The following TLR5 variants were observed in gnomAD, a reference collection of about 807,000 sequenced individuals.
TLR5 encodes toll like receptor 5, also known as toll-like receptor 5.
For synonymous variants in TLR5, 373 were observed against 384.4 expected, an observed-to-expected ratio of 0.97 and a Z score of 0.35; for missense variants, 944 against 999.8, an observed-to-expected ratio of 0.94 and a Z score of 0.75.
chr1:223,113,670 T>C (rs877327), intron 5 of TLR5, among the ~76,000 whole-genome samples: 59,012 of 152,018 alleles, frequency 0.39, 11,859 homozygotes, highest in Non-Finnish European at 0.43. Flanking sequence ...TTGTTGCCCA[T>C]GCTGGTCTTC....
Position 223,110,987 on chromosome 1 carries a change from T to C in TLR5, c.2045A>G (p.His682Arg), listed in dbSNP as rs1656294267. Residue 682 changes from histidine (H) to arginine (R), a missense_variant, in exon 6 of 6, where the codon CAT becomes CGT. His to Arg is a conservative substitution (Grantham distance 29). Coordinates refer to ENST00000642603, the MANE Select transcript of TLR5 (RefSeq NM_003268.6). Reference sequence around the variant, plus strand: ...CATATCAGGTTCTGTGCCCTGGGGATGGTCCTTGAACACCAGTCTCTGGGC... The same window carrying C: ...CATATCAGGTTCTGTGCCCTGGGGACGGTCCTTGAACACCAGTCTCTGGGC... ...KTAQRLVFKD[H>R]PQGTEPDMYK... 1 of 1,614,128 alleles carries C rather than the reference T, an allele frequency of 6.2e-7. No individual in the cohort carries two copies. The highest frequency in any genetic ancestry group is 8.5e-7 in the Non-Finnish European group (1 of 1,180,052).
chr1:223,119,983 A>T (rs866250703), intron 5 of TLR5, among the ~76,000 whole-genome samples: 16 of 63,126 alleles, frequency 2.5e-4, no homozygotes, highest in South Asian at 1.9e-3. Flanking sequence ...TAAAATAAAT[A>T]AAATAAAATA....
Position 223,110,547 on chromosome 1 carries a change from GA to G in TLR5, c.2484del (p.Leu829PhefsTer9), listed in dbSNP as rs1161299361. ...AGTATCTGTTGAGAGAGTTTATGAA[GA>G]AACCAGCCAACATCCTGGAGATCCT... is the stretch of plus-strand genomic sequence containing the variant. ...WPEDLQDVGW[F>X]LHKLSQQILK... On this transcript the variant is annotated frameshift_variant, in exon 6 of 6. Transcript: ENST00000642603. LOFTEE classifies it low-confidence loss of function (END_TRUNC). 1 of 1,614,084 alleles carries G rather than the reference GA, an allele frequency of 6.2e-7. No homozygotes were observed. Among genetic ancestry groups the G allele is most frequent in the Non-Finnish European group, 8.5e-7 (1 of 1,180,014 alleles).
intron 3 of TLR5, among the ~76,000 whole-genome samples, chr1:223,136,538 A>G (rs191501640): frequency 2.7e-4 from 41 of 152,322 alleles, no homozygotes; most frequent in African/African-American, 9.6e-4. Flanking sequence ...TTTGGTTCAC[A>G]GGTTGGGAAA....
chr1:223,112,520 G>A lies in TLR5; in HGVS notation c.512C>T (p.Ser171Phe), dbSNP rs1571726698. The A allele has an allele frequency of 1.2e-6, 2 of 1,614,138 alleles. No homozygotes were observed. Among genetic ancestry groups the A allele is most frequent in the South Asian group, 1.1e-5 (1 of 91,088 alleles). Reference sequence around the variant, plus strand: ...GGAGGAAAAATCTATGGACTTTAAGGAATTCAACTTCCCAAATGAAGGATG... The same window carrying A: ...GGAGGAAAAATCTATGGACTTTAAGAAATTCAACTTCCCAAATGAAGGATG... ...YLHPSFGKLN[S>F]LKSIDFSSNQ... Residue 171 changes from serine to phenylalanine, a missense_variant, in exon 6 of 6, where the codon TCC (serine) becomes TTC (phenylalanine). Coordinates refer to ENST00000642603, the MANE Select transcript of TLR5 (RefSeq NM_003268.6).
Position 223,110,524 on chromosome 1 carries a change from T to C in TLR5, c.2508A>G (p.Ile836Met), listed in dbSNP as rs750758397. 9 of 1,614,186 alleles carry C rather than the reference T, an allele frequency of 5.6e-6. No individual in the cohort carries two copies. The highest frequency in any genetic ancestry group is 1.3e-5 in the African/African-American group (1 of 75,052). Residue 836 changes from isoleucine (I) to methionine (M), a missense_variant, in exon 6 of 6, where the codon ATA becomes ATG. Ile to Met is a conservative substitution (Grantham distance 10). Transcript: ENST00000642603. The stretch of plus-strand genomic sequence containing the variant: ...TCTTCTTTTCTTTTTCTTTCTTTAG[T>C]ATCTGTTGAGAGAGTTTATGAAGAA... ...GWFLHKLSQQ[I>M]LKKEKEKKKD...
intron 5 of TLR5, among the ~76,000 whole-genome samples, chr1:223,117,122 C>A (rs538122115): frequency 1.3e-5 from 2 of 152,256 alleles, no homozygotes; most frequent in African/African-American, 4.8e-5. Flanking sequence ...GGCTGAGGCC[C>A]GTCGAGAATT....
chr1:223,131,368 G>A lies in TLR5; in HGVS notation c.-5+1107C>T, dbSNP rs1201531121. On this transcript the variant is annotated intron_variant, in intron 5 of 5. Transcript: ENST00000642603. The surrounding 1 kb of genome is among the most constrained non-coding windows in gnomAD (Gnocchi z 4.2). Reference sequence around the variant, plus strand: ...GGCATCCCATCACTGCCTTGTGCTCGAGATCTAACTTGCCATTCTCAGAGT... The same window carrying A: ...GGCATCCCATCACTGCCTTGTGCTCAAGATCTAACTTGCCATTCTCAGAGT... Among the ~76,000 whole-genome samples the A allele has an allele frequency of 6.6e-6, 1 of 152,140 alleles. No homozygotes were observed. The highest frequency in any genetic ancestry group is 1.5e-5 in the Non-Finnish European group (1 of 68,036).
intron 2 of TLR5, among the ~76,000 whole-genome samples, chr1:223,140,870 C>A (rs552947863): frequency 6.6e-6 from 1 of 152,200 alleles, no homozygotes; most frequent in South Asian, 2.1e-4. Context: ...CACTTAATTG[C>A]GCTCTAATTG....
At position 223,110,184 on chromosome 1, in the gene TLR5, G is replaced by A. The variant is rs1656246456; in HGVS notation, c.*271C>T. On this transcript the variant is annotated 3_prime_UTR_variant, in exon 6 of 6. Transcript: ENST00000642603. Reference sequence around the variant, plus strand: ...GATACATTCCATAATCAACACAGCAGGACAGAACGGTATTATTGGATCTGA... The same window carrying A: ...GATACATTCCATAATCAACACAGCAAGACAGAACGGTATTATTGGATCTGA... 4.0e-6 allele frequency: 2 copies of A among 494,828 alleles called. No homozygotes were observed. The highest frequency in any genetic ancestry group is 3.9e-5 in the African/African-American group (2 of 51,666). 30.7% of individuals were successfully genotyped at this position (494,828 alleles called of 1,614,324 possible).
In TLR5 at chr1:223,112,938, A is replaced by T. The variant is rs779554408; in HGVS notation, c.94T>A (p.Phe32Ile). 2 of 1,614,240 alleles carry T rather than the reference A, an allele frequency of 1.2e-6. No individual in the cohort carries two copies. The highest frequency in any genetic ancestry group is 2.2e-5 in the South Asian group (2 of 91,080). ...TGGGTGAGGTTGCAGAAACGATAAAAGGCTATTCGGCCATCAAAGGAGCAG... is the reference window on the plus strand; with the variant it reads ...TGGGTGAGGTTGCAGAAACGATAAATGGCTATTCGGCCATCAAAGGAGCAG... ...PSCSFDGRIAFYRFCNLTQVP... is the reference protein window; with the variant it reads ...PSCSFDGRIAIYRFCNLTQVP... The change falls in exon 6 of 6, where the codon TTT (phenylalanine) becomes ATT (isoleucine). Residue 32 changes from phenylalanine (F) to isoleucine (I), a missense_variant. By Grantham distance (21) the Phe-to-Ile change is conservative (BLOSUM62 0). Transcript: ENST00000642603.
intron 3 of TLR5, among the ~76,000 whole-genome samples, chr1:223,135,498 G>A (rs764743883): frequency 6.6e-6 from 1 of 152,214 alleles, no homozygotes; most frequent in Non-Finnish European, 1.5e-5. Context: ...GCTGGGCTGG[G>A]AGAGGATAAA....
intron 5 of TLR5, among the ~76,000 whole-genome samples, chr1:223,124,811 A>C (rs761622848): frequency 2.0e-5 from 3 of 152,024 alleles, no homozygotes; most frequent in Non-Finnish European, 4.4e-5. Context: ...ACCATGTTGC[A>C]CAGGCTGGTC....
rs1047140231 is a variant in TLR5 at position 223,131,179 on chromosome 1, C to A, written c.-5+1296G>T. On this transcript the variant is annotated intron_variant, in intron 5 of 5. Transcript: ENST00000642603. The surrounding 1 kb of genome is among the most constrained non-coding windows in gnomAD (Gnocchi z 4.2). ...TGATTAGAAGTCTTCACTGACTCCT[C>A]ATGCTCATATCACTCAAACTCTTCA... Among the ~76,000 whole-genome samples, 8 of 152,350 alleles carry A rather than the reference C, an allele frequency of 5.3e-5. No homozygotes were observed. Among genetic ancestry groups the A allele is most frequent in the African/African-American group, 1.9e-4 (8 of 41,590 alleles).
intron 5 of TLR5, among the ~76,000 whole-genome samples, chr1:223,116,277 C>T (rs2102878700): frequency 6.6e-6 from 1 of 152,126 alleles, no homozygotes; most frequent in African/African-American, 2.4e-5. Flanking sequence ...TTTGTTCCTT[C>T]TGATGTTTGG....
At chr1:223,116,994 C>T (rs989798548) in intron 5 of TLR5, among the ~76,000 whole-genome samples, 3 of 152,268 alleles carry the variant, frequency 2.0e-5, no homozygotes, top group Middle Eastern at 3.4e-3. Flanking sequence ...TCGATGGGAC[C>T]GGGCGCCGTG....
rs772726501 is a variant in TLR5, at chr1:223,113,020, G to A, written c.12C>T (p.His4=). 1.2e-6 allele frequency: 2 copies of A among 1,614,054 alleles called. No individual in the cohort carries two copies. Among genetic ancestry groups the A allele is most frequent in the African/African-American group, 1.3e-5 (1 of 74,920 alleles). Residue 4 remains histidine, a synonymous_variant, in exon 6 of 6, where the codon CAC becomes CAT. Transcript: ENST00000642603. ...GCACCACTCCTAGGAGAAGGTCCAG[G>A]TGGTCTCCCATGATCCTATGGAGAA... MGD[H]LDLLLGVVLM...
rs532978317 is a variant in TLR5, at chr1:223,111,533, C to T, written c.1499G>A (p.Gly500Glu). 1.9e-6 allele frequency: 3 copies of T among 1,614,064 alleles called. No homozygotes were observed. Among genetic ancestry groups the T allele is most frequent in the East Asian group, 4.5e-5 (2 of 44,870 alleles). The change falls in exon 6 of 6, where the codon GGA becomes GAA. Residue 500 changes from glycine (G) to glutamate (E), a missense_variant. Physicochemically the swap from Gly to Glu is moderately conservative, Grantham distance 98. Transcript: ENST00000642603. ...ATACAGAACTTGAAGATGAGAAAGT[C>T]CCTCAAAAACATCCCAACAGAGCTC... ...ETELCWDVFE[G>E]LSHLQVLYLN...
At chr1:223,114,632 G>T (rs994872564) in intron 5 of TLR5, among the ~76,000 whole-genome samples, 14 of 152,148 alleles carry the variant, frequency 9.2e-5, no homozygotes, top group Non-Finnish European at 1.9e-4. Context: ...GATGTATGGT[G>T]GGGTTTCCAC....
Sources: allele counts gnomAD v4.1 joint callset (sites outside exome capture counted in the v4.1 genomes callset), GRCh38; gene constraint gnomAD v4.1.1; non-coding constraint Gnocchi (gnomAD v3.1); transcripts MANE v1.5; gene names NCBI Gene and HGNC (gene_info 2026-07-23, HGNC 2026-07-21).